Variants in ZNF714 observed in about 807,000 individuals in gnomAD.
The protein encoded by ZNF714 is zinc finger protein 714.
Under a neutral mutation model 46.2 loss-of-function variants are expected in ZNF714, and 32 were observed. The observed-to-expected ratio is 0.69, with a 90% CI of 0.52 to 0.93. The LOEUF is 0.93. Ranked by LOEUF, ZNF714 falls within the 40% of genes least tolerant of loss-of-function variation. The pLI is 0.00. For synonymous variants in ZNF714, 199 were observed against 213.1 expected (o/e 0.93, Z 0.58); for missense variants, 635 against 646.3 (o/e 0.98, Z 0.19).
rs541436985 is a variant in ZNF714 at position 21,118,784 on chromosome 19, C to T, written c.*452C>T. ...AGATCTGGCAATGCTTTTGACAACACCTCAAACTTTTCTAACCATAAAAGA... is the reference window on the plus strand; with the variant it reads ...AGATCTGGCAATGCTTTTGACAACATCTCAAACTTTTCTAACCATAAAAGA... On this transcript the variant is annotated 3_prime_UTR_variant, in exon 5 of 5. Coordinates refer to ENST00000456283, the MANE Select transcript of ZNF714 (RefSeq NM_182515.4). 44 of 210,350 alleles carry T rather than the reference C, an allele frequency of 2.1e-4. No homozygotes were observed. The highest frequency in any genetic ancestry group is 9.1e-4 in the South Asian group (14 of 15,454). The allele number at this position is 210,350 out of a possible 1,614,324, so 13.0% of individuals were successfully genotyped here.
rs186742270 is a variant in ZNF714, at chr19:21,098,733, T to C, written c.44-79T>C. 1,672 of 856,592 alleles carry C rather than the reference T, an allele frequency of 2.0e-3. 42 individuals are homozygous for C. In the Admixed American group the frequency reaches 0.042, roughly 21 times the overall value. 53.1% of individuals were successfully genotyped at this position (856,592 alleles called of 1,614,324 possible). On this transcript the variant is annotated intron_variant, in intron 3 of 4. Coordinates refer to ENST00000456283, the MANE Select transcript of ZNF714 (RefSeq NM_182515.4). ...ATTAATTTTCTAAAATATTCTATTA[T>C]ATCCTTTTTACTGAGCACAGTACTA...
rs1969621303 is a variant in ZNF714, at chr19:21,117,350, A to G, written c.686A>G (p.Tyr229Cys). ...ATGATTCATACTGGAGAGAAACCCT[A>G]CAGATGTGAAGAATGTGGCAAAGCC... The part of the protein sequence containing the change: ...HKMIHTGEKP[Y>C]RCEECGKAFY... The change falls in exon 5 of 5, where the codon TAC (tyrosine) becomes TGC (cysteine). Residue 229 changes from tyrosine to cysteine, a missense_variant. Transcript: ENST00000456283. The G allele has an allele frequency of 1.2e-6, 2 of 1,612,346 alleles. No individual in the cohort carries two copies. Among genetic ancestry groups the G allele is most frequent in the East Asian group, 2.2e-5 (1 of 44,824 alleles).
At chr19:21,098,591 T>C (rs1969097086) in intron 3 of ZNF714, among the ~76,000 whole-genome samples, 1 of 152,202 alleles carries the variant, frequency 6.6e-6, no homozygotes, top group Admixed American at 6.6e-5. Flanking sequence ...TATCTTAAAA[T>C]CTATTTTCCA....
chr19:21,108,363 T>C (rs1193125357), intron 4 of ZNF714, among the ~76,000 whole-genome samples: 1 of 152,218 alleles, frequency 6.6e-6, no homozygotes, highest in East Asian at 1.9e-4. Context: ...TGGTCTGTGG[T>C]ATGGTTTGGA....
rs1389187448 is a variant in ZNF714, at chr19:21,121,561, G to A, written c.*3229G>A. 6.6e-6 allele frequency: 1 copy of A among 152,134 alleles called. No individual in the cohort carries two copies. The highest frequency in any genetic ancestry group is 1.5e-5 in the Non-Finnish European group (1 of 68,026). The allele number at this position is 152,134 out of a possible 1,614,324, so 9.4% of individuals were successfully genotyped here. A position where few individuals can be genotyped will look rare whatever the true frequency, so the allele number is the denominator to read the frequency against. On this transcript the variant is annotated 3_prime_UTR_variant, in exon 5 of 5. Coordinates refer to ENST00000456283, the MANE Select transcript of ZNF714 (RefSeq NM_182515.4). The stretch of plus-strand genomic sequence containing the variant: ...TTTTGATTCACATAGAGTTAAATAT[G>A]TATTAGTCTAAAGACAAACTTTAGG...
chr19:21,094,333 A>G (rs1283336182), intron 2 of ZNF714, among the ~76,000 whole-genome samples: 1 of 152,228 alleles, frequency 6.6e-6, no homozygotes, highest in East Asian at 1.9e-4. Flanking sequence ...AAACATGCAT[A>G]TGCATGTGTC....
chr19:21,094,604 G>A (rs915294496), intron 2 of ZNF714, among the ~76,000 whole-genome samples: 1 of 152,178 alleles, frequency 6.6e-6, no homozygotes, highest in African/African-American at 2.4e-5. Context: ...TCAGCTCATT[G>A]CAACCTCCAC....
rs74172391 is a variant in ZNF714, at chr19:21,112,816, A to ATTTTTTTTTTT, written c.143-3977_143-3967dup. On this transcript the variant is annotated intron_variant, in intron 4 of 4. Coordinates refer to ENST00000456283, the MANE Select transcript of ZNF714 (RefSeq NM_182515.4). Reference sequence around the variant, plus strand: ...GTTTCAAATAGTTTTTTTATTTCTGATTTTTTTTTTTTTTTTTTTTTTTTG... The same window carrying ATTTTTTTTTTT: ...GTTTCAAATAGTTTTTTTATTTCTGATTTTTTTTTTTTTTTTTTTTTTTTTTTTTTTTTTTG... 3.7e-4 allele frequency among the ~76,000 whole-genome samples: 16 copies of ATTTTTTTTTTT among 43,214 alleles called. 4 individuals carry two copies. Among genetic ancestry groups the ATTTTTTTTTTT allele is most frequent in the African/African-American group, 1.1e-3 (14 of 12,928 alleles). The allele number at this position is 43,214 out of a possible 152,430, so 28.4% of individuals were successfully genotyped here.
chr19:21,113,582 C>T (rs905444596), intron 4 of ZNF714, among the ~76,000 whole-genome samples: 5 of 151,290 alleles, frequency 3.3e-5, no homozygotes, highest in African/African-American at 1.2e-4. Context: ...TCTTGGCTCA[C>T]TGTAACCTCC....
At chr19:21,115,020 T>C (rs1377394441) in intron 4 of ZNF714, among the ~76,000 whole-genome samples, 2 of 152,184 alleles carry the variant, frequency 1.3e-5, no homozygotes, top group Admixed American at 1.3e-4. Context: ...CTTTTACTTC[T>C]TTCTTATTTT....
In ZNF714 at chr19:21,100,044, C is replaced by T. The variant is rs191925923; in HGVS notation, c.142+1134C>T. ...CTAATTTTTGTATTTTTGGTAGAGA[C>T]GGGGTTTCACCTTGTTGTCCAGGCT... On this transcript the variant is annotated intron_variant, in intron 4 of 4. Transcript: ENST00000456283. Among the ~76,000 whole-genome samples the T allele has an allele frequency of 2.5e-4, 38 of 151,994 alleles. No homozygotes were observed. In the East Asian group the frequency reaches 6.8e-3, roughly 27 times the overall value.
In ZNF714 at chr19:21,122,876, C is replaced by A. The variant is rs1392427572; in HGVS notation, c.*4544C>A. On this transcript the variant is annotated 3_prime_UTR_variant, in exon 5 of 5. Coordinates refer to ENST00000456283, the MANE Select transcript of ZNF714 (RefSeq NM_182515.4). ...CAGATTAGTTAATTAAGATAAAAGC[C>A]AGGTGTGGTGGCTCACGCCTCTAAT... is the stretch of plus-strand genomic sequence containing the variant. 2 of 152,170 alleles carry A rather than the reference C, an allele frequency of 1.3e-5. No homozygotes were observed. Among genetic ancestry groups the A allele is most frequent in the Non-Finnish European group, 2.9e-5 (2 of 68,006 alleles). The allele number at this position is 152,170 out of a possible 1,614,324, so 9.4% of individuals were successfully genotyped here.
rs1043092883 is a variant in ZNF714 at position 21,124,513 on chromosome 19, G to C, written c.*6181G>C. Among the ~76,000 whole-genome samples, 1 of 151,974 alleles carries C rather than the reference G, an allele frequency of 6.6e-6. No homozygotes were observed. The highest frequency in any genetic ancestry group is 2.1e-4 in the South Asian group (1 of 4,814). ...TCTTAAAAATATTTTCTTTCAACTT[G>C]AGAAAATGTGTGCTTTTTCTGTAGA... On this transcript the variant is annotated 3_prime_UTR_variant, in exon 5 of 5. Coordinates refer to ENST00000456283, the MANE Select transcript of ZNF714 (RefSeq NM_182515.4).
At chr19:21,088,248 A>G (rs1359383216) in intron 2 of ZNF714, among the ~76,000 whole-genome samples, 4 of 152,240 alleles carry the variant, frequency 2.6e-5, no homozygotes. Context: ...CATCTATAAT[A>G]TGTTTGGACT....
rs1969679104 is a variant in ZNF714 at position 21,119,886 on chromosome 19, C to T, written c.*1554C>T. 1 of 152,112 alleles carries T rather than the reference C, an allele frequency of 6.6e-6. No individual in the cohort carries two copies. Among genetic ancestry groups the T allele is most frequent in the African/African-American group, 2.4e-5 (1 of 41,426 alleles). 9.4% of individuals were successfully genotyped at this position (152,112 alleles called of 1,614,324 possible). On this transcript the variant is annotated 3_prime_UTR_variant, in exon 5 of 5. Coordinates refer to ENST00000456283, the MANE Select transcript of ZNF714 (RefSeq NM_182515.4). ...CAGTTATAATTACATTCAAAGTATA[C>T]TTTATTTCTTGAAAAATATTACAGA...
At chr19:21,107,677 G>T (rs1301855932) in intron 4 of ZNF714, among the ~76,000 whole-genome samples, 1 of 152,138 alleles carries the variant, frequency 6.6e-6, no homozygotes, top group Non-Finnish European at 1.5e-5. Flanking sequence ...ACGTTGAAGA[G>T]TGTCTTTTAT....
At chr19:21,107,672 G>A (rs1467526335) in intron 4 of ZNF714, among the ~76,000 whole-genome samples, 1 of 152,128 alleles carries the variant, frequency 6.6e-6, no homozygotes, top group African/African-American at 2.4e-5. Flanking sequence ...AAAATACGTT[G>A]AAGAGTGTCT....
chr19:21,106,022 G>C (rs548055303), intron 4 of ZNF714, among the ~76,000 whole-genome samples: 1 of 151,936 alleles, frequency 6.6e-6, no homozygotes, highest in Non-Finnish European at 1.5e-5. Flanking sequence ...AGGCTAAGGC[G>C]GGAGGGTCAC....
chr19:21,107,035 A>G (rs528014600), intron 4 of ZNF714, among the ~76,000 whole-genome samples: 14 of 152,132 alleles, frequency 9.2e-5, no homozygotes, highest in East Asian at 1.9e-4. Flanking sequence ...CCATGTTGGC[A>G]AGGATGGTCT....
Sources: gnomAD v4.1 joint callset for allele counts (sites outside exome capture counted in the v4.1 genomes callset) on GRCh38, gnomAD v4.1.1 for gene constraint, MANE v1.5 for transcripts, NCBI Gene and HGNC (gene_info 2026-07-23, HGNC 2026-07-21) for gene names.